The following GNAQ variants were observed in gnomAD, a reference collection of about 807,000 sequenced individuals.
The protein encoded by GNAQ is G protein subunit alpha q, also known as guanine nucleotide-binding protein G(q) subunit alpha.
In GNAQ, 8 loss-of-function variants were observed where a neutral mutation model predicts 43.9. The observed-to-expected ratio is 0.18, with a 90% confidence interval of 0.11 to 0.33. The LOEUF (loss-of-function observed/expected upper bound fraction) is 0.33, where lower values mean the gene tolerates loss of function less well. Ranked by LOEUF, GNAQ falls within the 10% of genes least tolerant of loss-of-function variation. The pLI is 1.00. For missense variants in GNAQ, 158 were observed against 450.8 expected (o/e 0.35, Z 5.88); for synonymous variants, 155 against 170.7 (o/e 0.91, Z 0.71).
chr9:77,754,837 T>C (rs2118305772), intron 5 of GNAQ, among the ~76,000 whole-genome samples: 1 of 152,224 alleles, frequency 6.6e-6, no homozygotes, highest in South Asian at 2.1e-4. Context: ...CTCAAAAAAC[T>C]AAAAATAGAG....
chr9:77,930,180 T>C (rs1474306183), intron 1 of GNAQ, among the ~76,000 whole-genome samples: 2 of 152,162 alleles, frequency 1.3e-5, no homozygotes, highest in African/African-American at 2.4e-5. Context: ...AGCTGACACA[T>C]CCACAGACCC....
At chr9:78,013,878 G>C (rs1410335505) in intron 1 of GNAQ, among the ~76,000 whole-genome samples, 1 of 152,078 alleles carries the variant, frequency 6.6e-6, no homozygotes, top group Admixed American at 6.5e-5. Flanking sequence ...AGTTCTAATA[G>C]AAGCCATATA....
intron 1 of GNAQ, among the ~76,000 whole-genome samples, chr9:77,930,323 T>C (rs922833949): frequency 6.6e-6 from 1 of 152,244 alleles, no homozygotes; most frequent in Non-Finnish European, 1.5e-5. Context: ...ATTTCTTCTA[T>C]GAACTTGCCC....
At chr9:77,909,388 C>T (rs1439183050) in intron 2 of GNAQ, among the ~76,000 whole-genome samples, 1 of 152,124 alleles carries the variant, frequency 6.6e-6, no homozygotes, top group Non-Finnish European at 1.5e-5. Context: ...AGGCTAGTGC[C>T]TTAGAGAATG....
At chr9:77,821,665 G>A (rs1827114912) in intron 2 of GNAQ, among the ~76,000 whole-genome samples, 1 of 150,696 alleles carries the variant, frequency 6.6e-6, no homozygotes, top group African/African-American at 2.4e-5. Context: ...TTAAAATTTT[G>A]CACTCTCTGA....
intron 2 of GNAQ, among the ~76,000 whole-genome samples, chr9:77,861,824 AC>A (rs1198660899): frequency 1.3e-5 from 2 of 151,744 alleles, no homozygotes; most frequent in Non-Finnish European, 2.9e-5. Context: ...ACATGGTGAA[AC>A]CCCATCTCTA....
At chr9:77,798,703 T>C (rs1826697633) in intron 3 of GNAQ, among the ~76,000 whole-genome samples, 1 of 152,238 alleles carries the variant, frequency 6.6e-6, no homozygotes, top group Non-Finnish European at 1.5e-5. Flanking sequence ...CCTAGGTTAC[T>C]TAACAATGTA....
At chr9:77,764,967 G>GT (rs1388266357) in intron 5 of GNAQ, among the ~76,000 whole-genome samples, 4 of 152,162 alleles carry the variant, frequency 2.6e-5, no homozygotes, top group African/African-American at 7.2e-5. Flanking sequence ...AATGTGATTA[G>GT]TTTTTTCAAA....
At chr9:77,924,785 A>G (rs988148430) in intron 1 of GNAQ, among the ~76,000 whole-genome samples, 2 of 152,094 alleles carry the variant, frequency 1.3e-5, no homozygotes, top group Admixed American at 6.5e-5. Context: ...AAAAACAATA[A>G]AAGTATCAAC....
At chr9:77,765,051 C>G (rs1347289220) in intron 5 of GNAQ, among the ~76,000 whole-genome samples, 1 of 152,042 alleles carries the variant, frequency 6.6e-6, no homozygotes. Context: ...CGGTTTTATG[C>G]AAGTACTTCA....
At chr9:77,771,389 T>C (rs1197937936) in intron 5 of GNAQ, among the ~76,000 whole-genome samples, 1 of 152,212 alleles carries the variant, frequency 6.6e-6, no homozygotes, top group Non-Finnish European at 1.5e-5. Context: ...TATATTAACA[T>C]GCTGCAAATT....
chr9:77,892,656 T>C (rs1386220649), intron 2 of GNAQ, among the ~76,000 whole-genome samples: 1 of 152,190 alleles, frequency 6.6e-6, no homozygotes, highest in Admixed American at 6.5e-5. Flanking sequence ...TTATTGAATA[T>C]TAACATGACC....
intron 2 of GNAQ, among the ~76,000 whole-genome samples, chr9:77,838,599 G>T: frequency 6.6e-6 from 1 of 151,786 alleles, no homozygotes; most frequent in Admixed American, 6.6e-5. Flanking sequence ...TAGAAATGGG[G>T]TAGAATTGGG....
chr9:77,790,284 T>C (rs1826546720), intron 5 of GNAQ, among the ~76,000 whole-genome samples: 1 of 152,218 alleles, frequency 6.6e-6, no homozygotes, highest in Non-Finnish European at 1.5e-5. Context: ...TTCTCCTCAA[T>C]TTTTAGTCAG....
At chr9:77,906,093 T>TAA (rs140142599) in intron 2 of GNAQ, among the ~76,000 whole-genome samples, 2 of 149,980 alleles carry the variant, frequency 1.3e-5, no homozygotes, top group African/African-American at 2.4e-5. Flanking sequence ...AACTTAAAGT[T>TAA]AAAAAAAAAA....
At chr9:77,751,147 G>A (rs574400134) in intron 5 of GNAQ, among the ~76,000 whole-genome samples, 2 of 152,144 alleles carry the variant, frequency 1.3e-5, no homozygotes, top group Non-Finnish European at 2.9e-5. Context: ...GAGCTATCAG[G>A]CATCTGCTTT....
intron 1 of GNAQ, among the ~76,000 whole-genome samples, chr9:77,927,130 A>AGGATTCCC (rs1829082165): frequency 6.6e-6 from 1 of 152,186 alleles, no homozygotes; most frequent in Non-Finnish European, 1.5e-5. Context: ...GATCTTTTCA[A>AGGATTCCC]CACAACAGGA....
intron 5 of GNAQ, among the ~76,000 whole-genome samples, chr9:77,781,352 C>T (rs1298537366): frequency 2.0e-5 from 3 of 151,964 alleles, no homozygotes; most frequent in Non-Finnish European, 2.9e-5. Flanking sequence ...AAAGACTGTC[C>T]TTTCCCCAAT....
intron 2 of GNAQ, among the ~76,000 whole-genome samples, chr9:77,841,157 T>G (rs1827483644): frequency 1.9e-5 from 1 of 52,606 alleles, no homozygotes; most frequent in African/African-American, 7.9e-5. Flanking sequence ...TACAAAGAAT[T>G]TTCGTAATAT....
Sources: gnomAD v4.1 joint callset for allele counts (sites outside exome capture counted in the v4.1 genomes callset) on GRCh38, gnomAD v4.1.1 for gene constraint, MANE v1.5 for transcripts, NCBI Gene and HGNC (gene_info 2026-07-23, HGNC 2026-07-21) for gene names.